The following KCNA2 variants were observed in gnomAD, a reference collection of about 807,000 sequenced individuals.
KCNA2 encodes potassium channel, voltage gated shaker related subfamily A, member 2.
A neutral mutation model predicts 33.4 loss-of-function variants in KCNA2; 11 were observed. That is an observed-to-expected ratio of 0.33 (90% confidence interval 0.21 to 0.55). KCNA2 has a LOEUF of 0.55. KCNA2 is among the 20% of genes least tolerant of loss of function. The pLI is 0.93. For synonymous variants in KCNA2, 222 were observed against 231.3 expected (o/e 0.96, Z 0.37); for missense variants, 291 against 621.6 (o/e 0.47, Z 5.66).
chr1:110,619,030 T>A (rs1473807695), intron 1 of KCNA2, among the ~76,000 whole-genome samples: 1 of 152,178 alleles, frequency 6.6e-6, no homozygotes, highest in South Asian at 2.1e-4. Flanking sequence ...TTCACTACTC[T>A]CAGAACTAAG....
Position 110,600,507 on chromosome 1 carries a change from G to T in KCNA2, c.*2776C>A. ...ACAATTATAACCATATATCTTCTGT[G>T]TTTGCTTTTATGTTAACCTGGTCTG... On this transcript the variant is annotated 3_prime_UTR_variant, in exon 3 of 3. Coordinates refer to ENST00000316361, the MANE Select transcript of KCNA2 (RefSeq NM_004974.4). The T allele has an allele frequency of 1.0e-6, 1 of 984,838 alleles. No individual in the cohort carries two copies. Among genetic ancestry groups the T allele is most frequent in the Non-Finnish European group, 1.2e-6 (1 of 829,728 alleles). 61.0% of individuals were successfully genotyped at this position (984,838 alleles called of 1,614,324 possible). A position where few individuals can be genotyped will look rare whatever the true frequency, so the allele number is the denominator to read the frequency against.
rs766490181 is a variant in KCNA2, at chr1:110,604,871, A to G, written c.-89T>C. 8.5e-5 allele frequency: 107 copies of G among 1,266,252 alleles called. No homozygotes were observed. Among genetic ancestry groups the G allele is most frequent in the Non-Finnish European group, 1.2e-4 (106 of 902,512 alleles). The allele number at this position is 1,266,252 out of a possible 1,614,324, so 78.4% of individuals were successfully genotyped here. The stretch of plus-strand genomic sequence containing the variant: ...GGTGCTGCTACTGGCCCCAGGAAGC[A>G]CAGGAGCATTGGCCTGGTCTCCTGC... On this transcript the variant is annotated 5_prime_UTR_variant, in exon 3 of 3. Transcript: ENST00000316361. This position sits in a 1 kb window ranked among gnomAD's most constrained non-coding sequence, Gnocchi z 7.6.
intron 1 of KCNA2, among the ~76,000 whole-genome samples, chr1:110,631,243 G>A (rs1481844761): frequency 6.6e-6 from 1 of 152,128 alleles, no homozygotes; most frequent in Non-Finnish European, 1.5e-5. Flanking sequence ...TGGCCCTTGA[G>A]GTGTCTCCCC....
Position 110,604,545 on chromosome 1 carries a change from G to T in KCNA2, c.238C>A (p.Arg80=), listed in dbSNP as rs1448937059. The change falls in exon 3 of 3, where the codon CGG becomes AGG. Residue 80 remains arginine, a synonymous_variant. Coordinates refer to ENST00000316361, the MANE Select transcript of KCNA2 (RefSeq NM_004974.4). The surrounding 1 kb of genome is among the most constrained non-coding windows in gnomAD (Gnocchi z 7.6). ...ATGGCATCAAAGCTAGGGCGGTTCC[G>T]ATCGAAAAAGTACTCATTTCGGAGG... ...DPLRNEYFFD[R]NRPSFDAILY... The T allele has an allele frequency of 1.2e-6, 2 of 1,614,044 alleles. No individual in the cohort carries two copies. The highest frequency in any genetic ancestry group is 1.7e-6 in the Non-Finnish European group (2 of 1,180,022).
chr1:110,631,090 C>G lies in KCNA2; in HGVS notation c.-496+305G>C, dbSNP rs1243414049. 2.0e-5 allele frequency among the ~76,000 whole-genome samples: 3 copies of G among 152,256 alleles called. No individual in the cohort carries two copies. The East Asian group carries it at 5.8e-4, about 29-fold the overall frequency. On this transcript the variant is annotated intron_variant, in intron 1 of 4. Coordinates refer to the KCNA2 transcript ENST00000369770. ...CCTTTCCACTTCCAAGCCTCAGACC[C>G]CATCCCCTCACCCTAGAGTCACTTC...
Position 110,601,833 on chromosome 1 carries a change from C to CATATACACACATATGTATGTATAT in KCNA2, c.*1426_*1449dup, listed in dbSNP as rs1428985934. 1.6e-5 allele frequency: 18 copies of CATATACACACATATGTATGTATAT among 1,152,332 alleles called. No homozygotes were observed. In the South Asian group the frequency reaches 1.9e-4, roughly 12 times the overall value. 71.4% of individuals were successfully genotyped at this position (1,152,332 alleles called of 1,614,324 possible). ...GTGTGTGTGTGTGTGTGTGTGTATA[C>CATATACACACATATGTATGTATAT]ATATACACACATATGTATGTATATA... On this transcript the variant is annotated 3_prime_UTR_variant, in exon 3 of 3. Transcript: ENST00000316361.
intron 1 of KCNA2, among the ~76,000 whole-genome samples, chr1:110,616,444 G>T (rs1298491504): frequency 3.9e-5 from 6 of 152,202 alleles, no homozygotes. Context: ...TCTTCCAGCT[G>T]CACCTTTCCA....
chr1:110,596,683 A>G lies in KCNA2; in HGVS notation c.*6600T>C. The G allele has an allele frequency of 1.0e-6, 1 of 961,722 alleles. No homozygotes were observed. Among genetic ancestry groups the G allele is most frequent in the Non-Finnish European group, 1.2e-6 (1 of 808,366 alleles). The allele number at this position is 961,722 out of a possible 1,614,324, so 59.6% of individuals were successfully genotyped here. A position where few individuals can be genotyped will look rare whatever the true frequency, so the allele number is the denominator to read the frequency against. ...TAACTAAGGCAGGAAAGTTATGCTA[A>G]CCTACTTAGGAAATATTTTTCTCAA... On this transcript the variant is annotated 3_prime_UTR_variant, in exon 3 of 3. Coordinates refer to ENST00000316361, the MANE Select transcript of KCNA2 (RefSeq NM_004974.4).
Position 110,596,322 on chromosome 1 carries a change from A to T in KCNA2, c.*6961T>A. The T allele has an allele frequency of 4.2e-6, 2 of 479,348 alleles. No homozygotes were observed. Among genetic ancestry groups the T allele is most frequent in the Non-Finnish European group, 5.4e-6 (2 of 370,102 alleles). 29.7% of individuals were successfully genotyped at this position (479,348 alleles called of 1,614,324 possible). ...ATTCTATAATTTAAAAATAGTATAC[A>T]TATATACATATACTATATATATATA... is the stretch of plus-strand genomic sequence containing the variant. On this transcript the variant is annotated 3_prime_UTR_variant, in exon 3 of 3. Transcript: ENST00000316361.
At chr1:110,620,719 A>T (rs907229280) in intron 1 of KCNA2, among the ~76,000 whole-genome samples, 1 of 152,152 alleles carries the variant, frequency 6.6e-6, no homozygotes, top group African/African-American at 2.4e-5. Flanking sequence ...TGCTCCTGTC[A>T]TCCACATAGC....
In KCNA2 at chr1:110,604,730, T is replaced by C. The variant is rs754808361; in HGVS notation, c.53A>G (p.His18Arg). ...PADEAAALPGHPQDTYDPEAD... is the reference protein window; with the variant it reads ...PADEAAALPGRPQDTYDPEAD... The stretch of plus-strand genomic sequence containing the variant: ...CTCTGGGTCATAGGTGTCCTGTGGG[T>C]GCCCAGGGAGGGCAGCAGCCTCGTC... Residue 18 changes from histidine to arginine, a missense_variant, in exon 3 of 3, where the codon CAC (histidine) becomes CGC (arginine). By Grantham distance (29) the His-to-Arg change is conservative. Transcript: ENST00000316361. This position sits in a 1 kb window ranked among gnomAD's most constrained non-coding sequence, Gnocchi z 7.6. The C allele has an allele frequency of 6.2e-7, 1 of 1,614,054 alleles. No homozygotes were observed. The highest frequency in any genetic ancestry group is 1.3e-5 in the African/African-American group (1 of 75,008).
Position 110,613,364 on chromosome 1 carries a change from G to A in KCNA2, c.-495-7642C>T, listed in dbSNP as rs575191929. Reference sequence around the variant, plus strand: ...GGAAGCACCCTGAGGGCAGGGCCATGTCTCTTCTGCCCTTGCATACTGGTA... The same window carrying A: ...GGAAGCACCCTGAGGGCAGGGCCATATCTCTTCTGCCCTTGCATACTGGTA... On this transcript the variant is annotated intron_variant, in intron 1 of 4. Coordinates refer to the KCNA2 transcript ENST00000369770. Among the ~76,000 whole-genome samples the A allele has an allele frequency of 3.3e-5, 5 of 152,358 alleles. No individual in the cohort carries two copies. In the South Asian group the frequency reaches 1.0e-3, roughly 32 times the overall value.
chr1:110,624,134 T>C (rs1410286599), intron 1 of KCNA2, among the ~76,000 whole-genome samples: 1 of 152,248 alleles, frequency 6.6e-6, no homozygotes, highest in Non-Finnish European at 1.5e-5. Flanking sequence ...TAGCAATTTA[T>C]TTATAGGTAT....
upstream of KCNA2, among the ~76,000 whole-genome samples, chr1:110,608,834 C>T (rs1649768144): frequency 6.6e-6 from 1 of 152,128 alleles, no homozygotes; most frequent in Non-Finnish European, 1.5e-5. Flanking sequence ...TCAGGATGCC[C>T]CTAAGGGTGT....
At chr1:110,609,375 C>T (rs888476913), upstream of KCNA2, among the ~76,000 whole-genome samples, 1 of 152,184 alleles carries the variant, frequency 6.6e-6, no homozygotes, top group African/African-American at 2.4e-5. Flanking sequence ...CACTTCTTAC[C>T]CAGGGCAACA....
At position 110,603,350 on chromosome 1, in the gene KCNA2, T is replaced by C. The variant is rs1243868138; in HGVS notation, c.1433A>G (p.Lys478Arg). Residue 478 changes from lysine (K) to arginine (R), a missense_variant, in exon 3 of 3, where the codon AAA becomes AGA. Lys to Arg is a conservative substitution (Grantham distance 26). Transcript: ENST00000316361. This position sits in a 1 kb window ranked among gnomAD's most constrained non-coding sequence, Gnocchi z 5.7. ...GTTAGCCAAGGTACAGTTGGCTGTTTTCAAGTTTTCCTCTCTAAAGTCCTC... is the reference window on the plus strand; with the variant it reads ...GTTAGCCAAGGTACAGTTGGCTGTTCTCAAGTTTTCCTCTCTAAAGTCCTC... ...SNEDFREENL[K>R]TANCTLANTN... 7 of 1,613,910 alleles carry C rather than the reference T, an allele frequency of 4.3e-6. No homozygotes were observed. Among genetic ancestry groups the C allele is most frequent in the Admixed American group, 3.3e-5 (2 of 59,958 alleles).
chr1:110,596,822 CTGTACATATG>C lies in KCNA2; in HGVS notation c.*6451_*6460del. The C allele has an allele frequency of 1.0e-6, 1 of 985,380 alleles. No homozygotes were observed. The highest frequency in any genetic ancestry group is 1.7e-5 in the African/African-American group (1 of 57,338). 61.0% of individuals were successfully genotyped at this position (985,380 alleles called of 1,614,324 possible). A position where few individuals can be genotyped will look rare whatever the true frequency, so the allele number is the denominator to read the frequency against. On this transcript the variant is annotated 3_prime_UTR_variant, in exon 3 of 3. Transcript: ENST00000316361. ...TCCCCATCAGTTAACTGAGGTTTTG[CTGTACATATG>C]TGTATAGAGCAAGGTAGATCAAAAA...
chr1:110,609,258 C>A (rs1649790838), upstream of KCNA2, among the ~76,000 whole-genome samples: 1 of 152,202 alleles, frequency 6.6e-6, no homozygotes, highest in African/African-American at 2.4e-5. Flanking sequence ...ATTTCCTTTG[C>A]CTTCCTTCTT....
At chr1:110,611,072 A>G (rs1005837709), upstream of KCNA2, among the ~76,000 whole-genome samples, 12 of 132,724 alleles carry the variant, frequency 9.0e-5, no homozygotes, top group Non-Finnish European at 1.9e-4. Flanking sequence ...AAGGAAGGAA[A>G]GGGACCTTCA....
Sources: allele counts gnomAD v4.1 joint callset (sites outside exome capture counted in the v4.1 genomes callset), GRCh38; gene constraint gnomAD v4.1.1; non-coding constraint Gnocchi (gnomAD v3.1); transcripts MANE v1.5; gene names NCBI Gene and HGNC (gene_info 2026-07-23, HGNC 2026-07-21).